SNX24: variants seen among roughly 807,000 people sequenced by gnomAD.
SNX24 encodes the protein sorting nexin 24.
A neutral mutation model predicts 28.7 loss-of-function variants in SNX24; 22 were observed. The ratio of observed to expected loss-of-function variants is 0.77; its 90% CI spans 0.55 to 1.10. The LOEUF (loss-of-function observed/expected upper bound fraction) is 1.10, where lower values mean the gene tolerates loss of function less well. Ranked by LOEUF, SNX24 falls within the 50% of genes least tolerant of loss-of-function variation. The probability of loss-of-function intolerance (pLI) is 0.00; values close to 1 mark genes in which losing one functional copy is unlikely to be tolerated. For synonymous variants in SNX24, 69 were observed against 71.5 expected (o/e 0.96, Z 0.18); for missense variants, 221 against 201.1 (o/e 1.10, Z -0.60).
At chr5:123,000,317 G>T (rs189724570) in intron 4 of SNX24, among the ~76,000 whole-genome samples, 1 of 152,180 alleles carries the variant, frequency 6.6e-6, no homozygotes, top group African/African-American at 2.4e-5. Context: ...ACTTGTTATG[G>T]GCTCATTTAT....
intron 5 of SNX24, among the ~76,000 whole-genome samples, chr5:123,017,032 C>T (rs1762691196): frequency 6.6e-6 from 1 of 151,950 alleles, no homozygotes; most frequent in Non-Finnish European, 1.5e-5. Context: ...GAACCATTTC[C>T]AACTTTTTCC....
In SNX24 at chr5:122,971,017, A is replaced by G. The variant is rs1405263531; in HGVS notation, c.249+24858A>G. ...ATTGACTCACACAATCACAAGGTGA[A>G]GTCTCACGATAGGCTCTCTGCAAGC... On this transcript the variant is annotated intron_variant, in intron 3 of 6. Coordinates refer to ENST00000261369, the MANE Select transcript of SNX24 (RefSeq NM_014035.4). Among the ~76,000 whole-genome samples the G allele has an allele frequency of 2.6e-5, 4 of 152,214 alleles. No individual in the cohort carries two copies. In the South Asian group the frequency reaches 6.2e-4, roughly 24 times the overall value.
intron 3 of SNX24, among the ~76,000 whole-genome samples, chr5:122,971,688 A>G (rs939985293): frequency 1.3e-5 from 2 of 152,226 alleles, no homozygotes; most frequent in African/African-American, 2.4e-5. Flanking sequence ...AGGAAATAAA[A>G]TGAAGATATT....
intron 1 of SNX24, chr5:122,891,005 T>G (rs1406410450): frequency 3.8e-5 from 55 of 1,447,200 alleles, no homozygotes; most frequent in Non-Finnish European, 4.9e-5. Context: ...ACCCAAAGCC[T>G]CTTTTCTGTC....
chr5:122,956,901 T>G (rs1581795785), intron 3 of SNX24, among the ~76,000 whole-genome samples: 2 of 152,094 alleles, frequency 1.3e-5, no homozygotes, highest in South Asian at 4.1e-4. Flanking sequence ...CATTGTTGAG[T>G]TTTAAGAGTT....
intron 3 of SNX24, chr5:122,982,998 T>C (rs952292586): frequency 2.0e-5 from 3 of 152,172 alleles, no homozygotes; most frequent in African/African-American, 7.2e-5. Flanking sequence ...CCGTAGTTAT[T>C]GATCTGCTTC....
At chr5:122,933,545 T>G (rs965174234) in intron 1 of SNX24, among the ~76,000 whole-genome samples, 29 of 152,218 alleles carry the variant, frequency 1.9e-4, no homozygotes, top group African/African-American at 6.3e-4. Flanking sequence ...AGGTATGGCC[T>G]TGTTTCCTGT....
chr5:122,961,557 TA>T (rs759142987), intron 3 of SNX24, among the ~76,000 whole-genome samples: 7 of 152,222 alleles, frequency 4.6e-5, no homozygotes, highest in African/African-American at 7.2e-5. Context: ...ACCGTCCTTC[TA>T]CAAGTGATTT....
intron 1 of SNX24, among the ~76,000 whole-genome samples, chr5:122,920,766 C>T (rs932939417): frequency 1.3e-5 from 2 of 152,134 alleles, no homozygotes; most frequent in African/African-American, 4.8e-5. Flanking sequence ...TATTTTTTCT[C>T]ATTATAGAAT....
At chr5:122,987,101 C>G (rs1761636161) in intron 3 of SNX24, among the ~76,000 whole-genome samples, 1 of 151,988 alleles carries the variant, frequency 6.6e-6, no homozygotes, top group Admixed American at 6.6e-5. Context: ...TGAGGAGGAT[C>G]AAGCCAGGTG....
At chr5:122,862,647 C>T (rs1419361554) in intron 1 of SNX24, among the ~76,000 whole-genome samples, 1 of 146,580 alleles carries the variant, frequency 6.8e-6, no homozygotes, top group African/African-American at 2.5e-5. Context: ...TAGTCAATTT[C>T]ACCAGTAATT....
chr5:123,005,466 T>C (rs2150179456), intron 6 of SNX24, among the ~76,000 whole-genome samples: 1 of 152,360 alleles, frequency 6.6e-6, no homozygotes, highest in East Asian at 1.9e-4. Context: ...GCTGTATTTT[T>C]CTCCTTGCCC....
chr5:122,917,280 A>G (rs1339987224), intron 1 of SNX24, among the ~76,000 whole-genome samples: 2 of 151,958 alleles, frequency 1.3e-5, no homozygotes, highest in Admixed American at 6.6e-5. Context: ...AGAAAGAAAA[A>G]AAAGACTGCT....
At chr5:122,923,984 C>G (rs1424692749) in intron 1 of SNX24, among the ~76,000 whole-genome samples, 1 of 152,138 alleles carries the variant, frequency 6.6e-6, no homozygotes. Flanking sequence ...ATAAGCATAG[C>G]ATATCATAGT....
intron 1 of SNX24, among the ~76,000 whole-genome samples, chr5:122,856,047 A>G (rs1298090800): frequency 1.3e-5 from 2 of 152,162 alleles, no homozygotes; most frequent in Admixed American, 6.5e-5. Context: ...AGTTTGGCGT[A>G]CAGATTATTT....
chr5:122,923,610 C>T (rs534311283), intron 1 of SNX24, among the ~76,000 whole-genome samples: 1 of 152,324 alleles, frequency 6.6e-6, no homozygotes, highest in South Asian at 2.1e-4. Flanking sequence ...GGTTGTCCCT[C>T]TCCACTTCTT....
intron 3 of SNX24, among the ~76,000 whole-genome samples, chr5:122,971,361 A>G (rs1760949771): frequency 6.6e-6 from 1 of 152,022 alleles, no homozygotes; most frequent in Non-Finnish European, 1.5e-5. Flanking sequence ...CTCAAATGTT[A>G]ATCTCCTTTG....
In SNX24 at chr5:122,913,315, C is replaced by T. The variant is rs556895182; in HGVS notation, c.61-23419C>T. 1.2e-3 allele frequency among the ~76,000 whole-genome samples: 185 copies of T among 151,624 alleles called. 1 individual carries two copies. Among genetic ancestry groups the T allele is most frequent in the African/African-American group, 4.2e-3 (172 of 41,344 alleles). On this transcript the variant is annotated intron_variant, in intron 1 of 6. Coordinates refer to ENST00000261369, the MANE Select transcript of SNX24 (RefSeq NM_014035.4). ...CCGGGCAGAGGCGCCCCCCACCTCC[C>T]TCCCAGACGGGGCGGCTGGCCGGGC...
intron 1 of SNX24, among the ~76,000 whole-genome samples, chr5:122,864,874 C>A (rs154508): frequency 0.58 from 88,949 of 152,100 alleles, 26,386 homozygotes; most frequent in African/African-American, 0.66. Flanking sequence ...AGTCCCCAGG[C>A]AAGAAGGAGG....
Sources: allele counts gnomAD v4.1 joint callset (sites outside exome capture counted in the v4.1 genomes callset), GRCh38; gene constraint gnomAD v4.1.1; transcripts MANE v1.5; gene names NCBI Gene and HGNC (gene_info 2026-07-23, HGNC 2026-07-21).